PITPNB: variants seen among roughly 807,000 people sequenced by gnomAD.
PITPNB encodes the protein phosphatidylinositol transfer protein beta isoform.
In PITPNB, 16 loss-of-function variants were observed where a neutral mutation model predicts 45.9. The ratio of observed to expected loss-of-function variants is 0.35; its 90% CI spans 0.24 to 0.53. The LOEUF (loss-of-function observed/expected upper bound fraction) is 0.53. Among genes scored for constraint, PITPNB ranks in the 20% least tolerant of loss-of-function variants. The probability of loss-of-function intolerance (pLI) is 0.93; values close to 1 mark genes in which losing one functional copy is unlikely to be tolerated. For synonymous variants in PITPNB, 112 were observed against 108.9 expected, an observed-to-expected ratio of 1.03 and a Z score of -0.18; for missense variants, 188 against 330.5, an observed-to-expected ratio of 0.57 and a Z score of 3.34.
At chr22:27,861,576 G>A (rs1221645087) in intron 8 of PITPNB, among the ~76,000 whole-genome samples, 1 of 152,174 alleles carries the variant, frequency 6.6e-6, no homozygotes, top group African/African-American at 2.4e-5. Context: ...CCTGGAACAG[G>A]TTCACAGCAG....
intron 6 of PITPNB, among the ~76,000 whole-genome samples, chr22:27,895,945 AT>A (rs944313756): frequency 2.0e-5 from 3 of 152,226 alleles, no homozygotes; most frequent in African/African-American, 7.2e-5. Context: ...GCATCAACCT[AT>A]ACAACAGGAC....
chr22:27,863,103 T>G (rs946441885), intron 8 of PITPNB, among the ~76,000 whole-genome samples: 1 of 152,226 alleles, frequency 6.6e-6, no homozygotes. Flanking sequence ...AATCCTCATA[T>G]GCAATACAAC....
chr22:27,893,014 C>A (rs896912571), intron 7 of PITPNB, among the ~76,000 whole-genome samples: 2 of 152,208 alleles, frequency 1.3e-5, no homozygotes, highest in Admixed American at 6.5e-5. Flanking sequence ...TGACTTATTT[C>A]TGTTTCACTT....
At chr22:27,896,246 A>C (rs1449313020) in intron 6 of PITPNB, among the ~76,000 whole-genome samples, 1 of 152,232 alleles carries the variant, frequency 6.6e-6, no homozygotes, top group African/African-American at 2.4e-5. Context: ...AAGCAATCTA[A>C]TTAGCAAAAC....
At chr22:27,892,973 A>G (rs751015988) in intron 7 of PITPNB, among the ~76,000 whole-genome samples, 1 of 152,184 alleles carries the variant, frequency 6.6e-6, no homozygotes, top group Non-Finnish European at 1.5e-5. Context: ...TTACCTTTAA[A>G]TTTCAACAGC....
intron 5 of PITPNB, 86 bp downstream of exon 5, chr22:27,897,040 CAGTT>C: frequency 1.1e-6 from 1 of 890,610 alleles, no homozygotes; most frequent in South Asian, 1.3e-5. Flanking sequence ...CAGCGAGGTG[CAGTT>C]AGCAAAGAAT....
At chr22:27,871,544 C>T (rs1934659308) in intron 8 of PITPNB, among the ~76,000 whole-genome samples, 1 of 152,142 alleles carries the variant, frequency 6.6e-6, no homozygotes, top group South Asian at 2.1e-4. Flanking sequence ...GGCATGGTGT[C>T]CTTGTTTAGA....
chr22:27,874,940 G>A (rs1934777728), intron 7 of PITPNB, among the ~76,000 whole-genome samples: 1 of 152,154 alleles, frequency 6.6e-6, no homozygotes. Context: ...ATGAGCAAAA[G>A]CAAGAACTGA....
At chr22:27,877,332 T>TCA (rs1482051519) in intron 7 of PITPNB, among the ~76,000 whole-genome samples, 1 of 152,204 alleles carries the variant, frequency 6.6e-6, no homozygotes, top group Non-Finnish European at 1.5e-5. Context: ...TACAATAGTA[T>TCA]CAGCATAAGG....
chr22:27,894,498 G>A, intron 7 of PITPNB, 57 bp downstream of exon 7: 2 of 946,664 alleles, frequency 2.1e-6, no homozygotes, highest in Non-Finnish European at 3.4e-6. Context: ...TGTGATAGTA[G>A]AAAATAATTT....
intron 8 of PITPNB, among the ~76,000 whole-genome samples, chr22:27,869,627 A>T (rs1934592008): frequency 6.6e-6 from 1 of 152,200 alleles, no homozygotes; most frequent in Admixed American, 6.5e-5. Context: ...AACTCTGAAT[A>T]CTAGACAGAT....
At chr22:27,854,350 G>A (rs933783034) in intron 11 of PITPNB, among the ~76,000 whole-genome samples, 2 of 152,112 alleles carry the variant, frequency 1.3e-5, no homozygotes, top group South Asian at 2.1e-4. Context: ...GTGCATTTAC[G>A]CAGAGTAAAG....
At chr22:27,918,408 G>A (rs1601438347) in intron 1 of PITPNB, among the ~76,000 whole-genome samples, 1 of 152,204 alleles carries the variant, frequency 6.6e-6, no homozygotes, top group South Asian at 2.1e-4. Context: ...GAGGCAAGCA[G>A]ATTTCCGTAA....
intron 3 of PITPNB, among the ~76,000 whole-genome samples, chr22:27,907,547 G>A (rs1935800675): frequency 6.6e-6 from 1 of 152,088 alleles, no homozygotes; most frequent in Admixed American, 6.5e-5. Context: ...TATTTCCCAT[G>A]CTGCCTGAGA....
At chr22:27,875,860 A>C (rs1193272686) in intron 7 of PITPNB, among the ~76,000 whole-genome samples, 1 of 152,210 alleles carries the variant, frequency 6.6e-6, no homozygotes, top group Admixed American at 6.5e-5. Flanking sequence ...AGAAGCAAGC[A>C]AAGAACAGGT....
chr22:27,911,199 G>A, intron 2 of PITPNB, 90 bp from the exon 3 acceptor site: 1 of 868,224 alleles, frequency 1.2e-6, no homozygotes, highest in South Asian at 1.6e-5. Context: ...AGATGATATA[G>A]AAAAGCATAT....
chr22:27,888,227 C>T (rs993370930), intron 7 of PITPNB, among the ~76,000 whole-genome samples: 2 of 152,172 alleles, frequency 1.3e-5, no homozygotes. Flanking sequence ...CACTGAACTC[C>T]ATCACATGAG....
At chr22:27,858,083 A>AACCAGCC (rs1934222524) in intron 10 of PITPNB, among the ~76,000 whole-genome samples, 2 of 152,236 alleles carry the variant, frequency 1.3e-5, no homozygotes, top group African/African-American at 2.4e-5. Context: ...GTGAACCAGG[A>AACCAGCC]ACCAGCCTAC....
At chr22:27,896,000 A>AT (rs1296162651) in intron 6 of PITPNB, among the ~76,000 whole-genome samples, 2 of 152,212 alleles carry the variant, frequency 1.3e-5, no homozygotes, top group Non-Finnish European at 2.9e-5. Flanking sequence ...TAATGATTAC[A>AT]TTTTTTTAAG....
Sources: gnomAD v4.1 joint callset for allele counts (sites outside exome capture counted in the v4.1 genomes callset) on GRCh38, gnomAD v4.1.1 for gene constraint, MANE v1.5 for transcripts, NCBI Gene and HGNC (gene_info 2026-07-23, HGNC 2026-07-21) for gene names.